Variants in ACAT1 observed in about 807,000 individuals in gnomAD.
ACAT1 encodes acetyl-CoA acetyltransferase, mitochondrial.
Under a neutral mutation model 47.3 loss-of-function variants are expected in ACAT1, and 28 were observed. The ratio of observed to expected loss-of-function variants is 0.59; its 90% CI spans 0.44 to 0.81. ACAT1 has a LOEUF of 0.81. ACAT1 is among the 30% of genes least tolerant of loss of function. ACAT1 has a pLI of 0.00. For missense variants in ACAT1, 469 were observed against 524.3 expected (o/e 0.89, Z 1.03); for synonymous variants, 181 against 173.6 (o/e 1.04, Z -0.34).
chr11:108,124,956 G>A (rs78448700), intron 1 of ACAT1, among the ~76,000 whole-genome samples: 3,196 of 152,204 alleles, frequency 0.021, 117 homozygotes, highest in African/African-American at 0.073. Context: ...AAAGTAGGCC[G>A]TCAGTTACTC....
chr11:108,120,669 T>G (rs889092443), upstream of ACAT1, among the ~76,000 whole-genome samples: 1 of 152,090 alleles, frequency 6.6e-6, no homozygotes, highest in Non-Finnish European at 1.5e-5. Flanking sequence ...ATGTCTGGGG[T>G]CTCAGCTGGA....
At chr11:108,135,594 C>G (rs1422325119) in intron 5 of ACAT1, among the ~76,000 whole-genome samples, 1 of 151,474 alleles carries the variant, frequency 6.6e-6, no homozygotes, top group Non-Finnish European at 1.5e-5. Context: ...CACAGTGGCT[C>G]ACTCCTATAA....
chr11:108,142,353 C>A, intron 8 of ACAT1, 84 bp from the exon 9 acceptor site: 3 of 1,035,994 alleles, frequency 2.9e-6, no homozygotes, highest in Non-Finnish European at 4.4e-6. Flanking sequence ...ATTTAGCAGC[C>A]CAGGCAATAG....
At chr11:108,124,749 C>A (rs996419137) in intron 1 of ACAT1, among the ~76,000 whole-genome samples, 2 of 152,206 alleles carry the variant, frequency 1.3e-5, no homozygotes, top group African/African-American at 2.4e-5. Flanking sequence ...CTGCCGTGCT[C>A]ACTCTGCTTT....
At chr11:108,126,942 G>A (rs2077260601) in intron 1 of ACAT1, among the ~76,000 whole-genome samples, 1 of 151,832 alleles carries the variant, frequency 6.6e-6, no homozygotes. Flanking sequence ...ACAGGCGCGT[G>A]CCACCATGCC....
chr11:108,143,453 CTG>C (rs1211445438), intron 9 of ACAT1: 1 of 152,304 alleles, frequency 6.6e-6, no homozygotes, highest in African/African-American at 2.4e-5. Context: ...TTTATTAACT[CTG>C]TGGCCTTGGG....
chr11:108,119,433 C>A (rs2077113152), upstream of ACAT1, among the ~76,000 whole-genome samples: 1 of 152,042 alleles, frequency 6.6e-6, no homozygotes, highest in African/African-American at 2.4e-5. Context: ...TAACTCCTGA[C>A]TTCAAATGAT....
rs2135356108 is a variant in ACAT1 at position 108,138,962 on chromosome 11, C to T, written c.500C>T (p.Ser167Leu). ...SNVPYVMNRG[S>L]TPYGGVKLED... is the part of the protein sequence containing the mutation. ...GTTCCATATGTAATGAACAGAGGAT[C>T]AACACCATATGGTGGGGTAAAGCTT... Residue 167 changes from serine (S) to leucine (L), a missense_variant, in exon 6 of 12, where the codon TCA (serine) becomes TTA (leucine). Coordinates refer to ENST00000265838, the MANE Select transcript of ACAT1 (RefSeq NM_000019.4). 1 of 1,614,058 alleles carries T rather than the reference C, an allele frequency of 6.2e-7. No individual in the cohort carries two copies. Among genetic ancestry groups the T allele is most frequent in the Non-Finnish European group, 8.5e-7 (1 of 1,180,006 alleles).
At chr11:108,132,026 T>C (rs927241661) in intron 2 of ACAT1, 72 bp downstream of exon 2, 1 of 933,306 alleles carries the variant, frequency 1.1e-6, no homozygotes. Flanking sequence ...CATATACTTA[T>C]GATTTGGATA....
chr11:108,139,298 A>G (rs2077534793), intron 6 of ACAT1: 1 of 461,520 alleles, frequency 2.2e-6, no homozygotes, highest in Non-Finnish European at 4.0e-6. Context: ...ATGTGAAGAT[A>G]AGACATGAGT....
intron 5 of ACAT1, among the ~76,000 whole-genome samples, chr11:108,138,091 C>T (rs897276333): frequency 2.0e-5 from 3 of 147,332 alleles, no homozygotes; most frequent in Non-Finnish European, 3.0e-5. Flanking sequence ...CAGGTTCACG[C>T]CATTCTCTTG....
In ACAT1 at chr11:108,121,657, C is replaced by A. The variant is rs765733417; in HGVS notation, c.51C>A (p.Pro17=). The change falls in exon 1 of 12, where the codon CCC becomes CCA. Residue 17 remains proline, a synonymous_variant. Coordinates refer to ENST00000265838, the MANE Select transcript of ACAT1 (RefSeq NM_000019.4). ...GCAGCGGCGCCCGCAGCCGCAGCCC[C>A]CTGCTCCGGAGGCTGGTGCAGGTGA... ...LLRSGARSRS[P]LLRRLVQEIR... is the part of the protein sequence containing the mutation. 3.9e-6 allele frequency: 6 copies of A among 1,549,672 alleles called. No homozygotes were observed. Among genetic ancestry groups the A allele is most frequent in the Admixed American group, 2.0e-5 (1 of 51,098 alleles).
upstream of ACAT1, chr11:108,121,200 CAAAAAA>C (rs10561331): frequency 4.0e-5 from 10 of 252,142 alleles, no homozygotes; most frequent in South Asian, 1.6e-4. Context: ...GACCTTGTCT[CAAAAAA>C]AAAAAAAAAA....
chr11:108,138,742 G>C lies in ACAT1; in HGVS notation c.436-156G>C, dbSNP rs572013982. 3.4e-5 allele frequency: 29 copies of C among 852,202 alleles called. No individual in the cohort carries two copies. The East Asian group carries it at 6.9e-4, about 20-fold the overall frequency. The allele number at this position is 852,202 out of a possible 1,614,324, so 52.8% of individuals were successfully genotyped here. ...ATTTAACACCATTTCTTTTCATCAG[G>C]GTGAAGTGGTAAAGAGGGTACTTCC... On this transcript the variant is annotated intron_variant, in intron 5 of 11. Transcript: ENST00000265838.
At chr11:108,142,336 T>C in intron 8 of ACAT1, 101 bp from the exon 9 acceptor site, 1 of 897,672 alleles carries the variant, frequency 1.1e-6, no homozygotes. Context: ...TTGTAATTTC[T>C]TTAAACATTT....
chr11:108,138,569 G>T (rs2077516672), intron 5 of ACAT1, among the ~76,000 whole-genome samples: 1 of 151,926 alleles, frequency 6.6e-6, no homozygotes, highest in Non-Finnish European at 1.5e-5. Flanking sequence ...GCTAATTTTT[G>T]TATTTTTAGT....
chr11:108,120,983 T>C (rs906790020), upstream of ACAT1, among the ~76,000 whole-genome samples: 4 of 152,096 alleles, frequency 2.6e-5, no homozygotes, highest in African/African-American at 9.7e-5. Context: ...GGAGGCTCAC[T>C]TGAGTCCAGG....
chr11:108,131,285 T>G (rs1020505716), intron 1 of ACAT1, among the ~76,000 whole-genome samples: 2 of 150,456 alleles, frequency 1.3e-5, no homozygotes, highest in Non-Finnish European at 3.0e-5. Context: ...ATTCTAAGAC[T>G]AAATAATTTA....
At chr11:108,121,811 C>A in intron 1 of ACAT1, 133 bp downstream of exon 1, 2 of 1,025,526 alleles carry the variant, frequency 2.0e-6, no homozygotes, top group African/African-American at 1.6e-5. Context: ...AGTCACGCGA[C>A]GGGTTCTGGT....
Sources: allele counts gnomAD v4.1 joint callset (sites outside exome capture counted in the v4.1 genomes callset), GRCh38; gene constraint gnomAD v4.1.1; transcripts MANE v1.5; gene names NCBI Gene and HGNC (gene_info 2026-07-23, HGNC 2026-07-21).